Variants in ECE1 observed in about 807,000 individuals in gnomAD.
ECE1 encodes the protein endothelin converting enzyme 1.
In ECE1, 35 loss-of-function variants were observed where a neutral mutation model predicts 98.6. That is an observed-to-expected ratio of 0.35 (90% CI 0.27 to 0.47). The LOEUF (loss-of-function observed/expected upper bound fraction) is 0.47, where lower values mean the gene tolerates loss of function less well. Ranked by LOEUF, ECE1 falls within the 20% of genes least tolerant of loss-of-function variation. ECE1 has a pLI of 1.00. For missense variants in ECE1, 814 were observed against 1,025.3 expected, an observed-to-expected ratio of 0.79 and a Z score of 2.81; for synonymous variants, 394 against 407.1, an observed-to-expected ratio of 0.97 and a Z score of 0.39.
At chr1:21,270,026 C>A (rs1199865394) in intron 4 of ECE1, among the ~76,000 whole-genome samples, 1 of 152,196 alleles carries the variant, frequency 6.6e-6, no homozygotes, top group Non-Finnish European at 1.5e-5. Context: ...CAGTGAGAAC[C>A]AGCCCCAGAA....
intron 4 of ECE1, among the ~76,000 whole-genome samples, chr1:21,272,137 C>G (rs1393353330): frequency 1.3e-5 from 2 of 152,140 alleles, no homozygotes. Context: ...GTTCTCAAAA[C>G]TCTGTACCTT....
chr1:21,293,717 C>A (rs1011343576), upstream of ECE1: 32 of 152,162 alleles, frequency 2.1e-4, no homozygotes, highest in African/African-American at 7.7e-4. Flanking sequence ...GCTTGGCGGG[C>A]TCTGCTTGGT....
chr1:21,264,261 A>G (rs212534), intron 4 of ECE1, among the ~76,000 whole-genome samples: 86,655 of 150,388 alleles, frequency 0.58, 25,543 homozygotes, highest in East Asian at 0.9. Context: ...TGTAGAGTGC[A>G]TTGTCTTGAA....
chr1:21,251,701 T>C (rs2098213076), intron 8 of ECE1, among the ~76,000 whole-genome samples: 1 of 152,144 alleles, frequency 6.6e-6, no homozygotes, highest in South Asian at 2.1e-4. Context: ...GGGCTAAGAA[T>C]GAGCTAAGAA....
chr1:21,292,070 C>T (rs926534251), upstream of ECE1, among the ~76,000 whole-genome samples: 6 of 151,832 alleles, frequency 4.0e-5, no homozygotes, highest in East Asian at 1.9e-4. Flanking sequence ...GTGGGAGAAT[C>T]GCTTGAAGCC....
At chr1:21,331,639 G>C (rs1172912291) in intron 1 of ECE1, among the ~76,000 whole-genome samples, 1 of 151,916 alleles carries the variant, frequency 6.6e-6, no homozygotes, top group Non-Finnish European at 1.5e-5. Flanking sequence ...AACTGCCCAG[G>C]TTCCACTCTA....
In ECE1 at chr1:21,297,686, G is replaced by A. The variant is rs557731652; in HGVS notation, c.4-7530C>T. ...CGAGTAGCTGGGACTACAGGCGCCC[G>A]CCACCATGCCCGGCTAATTTTTGTA... On this transcript the variant is annotated intron_variant, in intron 1 of 18. Coordinates refer to the ECE1 transcript ENST00000415912. Among the ~76,000 whole-genome samples the A allele has an allele frequency of 3.2e-3, 475 of 150,618 alleles. 3 individuals are homozygous for A. Among genetic ancestry groups the A allele is most frequent in the African/African-American group, 0.011 (461 of 41,058 alleles).
upstream of ECE1, chr1:21,293,367 G>A (rs1332625523): frequency 6.6e-6 from 1 of 152,094 alleles, no homozygotes; most frequent in Non-Finnish European, 1.5e-5. Context: ...GCCTTTTACT[G>A]AGGCACACAG....
chr1:21,237,687 A>C (rs1573946898), intron 11 of ECE1, among the ~76,000 whole-genome samples: 1 of 152,136 alleles, frequency 6.6e-6, no homozygotes, highest in African/African-American at 2.4e-5. Flanking sequence ...GTCCCAGGCC[A>C]CCCGACCAGC....
At chr1:21,325,010 C>T (rs539281535) in intron 1 of ECE1, among the ~76,000 whole-genome samples, 3 of 152,164 alleles carry the variant, frequency 2.0e-5, no homozygotes, top group African/African-American at 7.2e-5. Flanking sequence ...TATCAGAGGT[C>T]GCCAGGAGGA....
At chr1:21,296,416 G>T (rs553345955) in intron 1 of ECE1, among the ~76,000 whole-genome samples, 14 of 152,206 alleles carry the variant, frequency 9.2e-5, no homozygotes, top group Admixed American at 9.2e-4. Flanking sequence ...AGGAGGCTGA[G>T]GTGGAAGGAT....
At chr1:21,298,561 T>C in intron 1 of ECE1, 1 of 359,456 alleles carries the variant, frequency 2.8e-6, no homozygotes, top group Non-Finnish European at 5.5e-6. Flanking sequence ...CTCAGCCCAG[T>C]GCCTAGCAGA....
chr1:21,317,265 G>A (rs1464943020), intron 1 of ECE1, among the ~76,000 whole-genome samples: 1 of 152,162 alleles, frequency 6.6e-6, no homozygotes, highest in African/African-American at 2.4e-5. Flanking sequence ...TCTTCTCTGT[G>A]AAGTGGGAAT....
intron 3 of ECE1, among the ~76,000 whole-genome samples, chr1:21,273,862 A>G (rs2098243436): frequency 6.6e-6 from 1 of 152,228 alleles, no homozygotes. Context: ...GGTTTGCCAG[A>G]GGCAAGAGGA....
chr1:21,227,577 C>G (rs2098175975), intron 15 of ECE1, among the ~76,000 whole-genome samples: 1 of 152,154 alleles, frequency 6.6e-6, no homozygotes. Context: ...AATTGCTTTG[C>G]CCAAGGACCA....
At chr1:21,330,520 C>T (rs528467416) in intron 1 of ECE1, among the ~76,000 whole-genome samples, 54 of 152,118 alleles carry the variant, frequency 3.5e-4, no homozygotes, top group Non-Finnish European at 6.9e-4. Flanking sequence ...TGTGAGCTAC[C>T]GCCCCTAGCT....
rs1573921506 is a variant in ECE1 at position 21,220,193 on chromosome 1, C to T, written c.2137-62G>A. ...TGGGGCCCTCGGGCTGCCAGACTGC[C>T]CCCATTATAACAGCAGGGGAGGCCA... On this transcript the variant is annotated intron_variant, in intron 18 of 18. Transcript: ENST00000374893. The surrounding 1 kb of genome is among the most constrained non-coding windows in gnomAD (Gnocchi z 5.0). 1.2e-5 allele frequency: 19 copies of T among 1,554,200 alleles called. No homozygotes were observed. The East Asian group carries it at 4.3e-4, about 35-fold the overall frequency.
At position 21,258,457 on chromosome 1, in the gene ECE1, C is replaced by T. The variant is rs2098222717; in HGVS notation, c.762+236G>A. On this transcript the variant is annotated intron_variant, in intron 6 of 18. Coordinates refer to ENST00000374893, the MANE Select transcript of ECE1 (RefSeq NM_001397.3). This position sits in a 1 kb window ranked among gnomAD's most constrained non-coding sequence, Gnocchi z 4.2. ...CCAGGAGTTGACATCATTCTTGGGG[C>T]CCACGGAAACCCATCAGCACCCAAA... 6.6e-6 allele frequency among the ~76,000 whole-genome samples: 1 copy of T among 152,126 alleles called. No individual in the cohort carries two copies. Among genetic ancestry groups the T allele is most frequent in the African/African-American group, 2.4e-5 (1 of 41,420 alleles).
chr1:21,228,723 A>G (rs2098177861), intron 14 of ECE1, among the ~76,000 whole-genome samples: 1 of 151,376 alleles, frequency 6.6e-6, no homozygotes, highest in South Asian at 2.1e-4. Context: ...TGGGAGGTGG[A>G]GGTTGCAGTG....
Sources: allele counts gnomAD v4.1 joint callset (sites outside exome capture counted in the v4.1 genomes callset), GRCh38; gene constraint gnomAD v4.1.1; non-coding constraint Gnocchi (gnomAD v3.1); transcripts MANE v1.5; gene names NCBI Gene and HGNC (gene_info 2026-07-23, HGNC 2026-07-21).